The following CYTH1 variants were observed in gnomAD, a reference collection of about 807,000 sequenced individuals.
The protein encoded by CYTH1 is cytohesin 1, also known as cytohesin-1.
CYTH1 carries 18 observed loss-of-function variants against 61.8 expected under a neutral mutation model. The ratio of observed to expected loss-of-function variants is 0.29; its 90% CI spans 0.20 to 0.43. The LOEUF (loss-of-function observed/expected upper bound fraction) is 0.43. Among genes scored for constraint, CYTH1 ranks in the 20% least tolerant of loss-of-function variants. The pLI is 1.00. For synonymous variants in CYTH1, 174 were observed against 184.3 expected (o/e 0.94, Z 0.45); for missense variants, 336 against 510.5 (o/e 0.66, Z 3.29).
At chr17:78,770,105 G>A (rs368635125) in intron 1 of CYTH1, among the ~76,000 whole-genome samples, 2 of 150,666 alleles carry the variant, frequency 1.3e-5, no homozygotes, top group East Asian at 3.9e-4. Context: ...AGCCGAGATC[G>A]CACCACTGCA....
At position 78,717,336 on chromosome 17, in the gene CYTH1, G is replaced by A. The variant is rs552631870; in HGVS notation, c.23-7604C>T. 1.9e-4 allele frequency among the ~76,000 whole-genome samples: 29 copies of A among 152,158 alleles called. No individual in the cohort carries two copies. The highest frequency in any genetic ancestry group is 4.1e-4 in the Non-Finnish European group (28 of 68,036). Reference sequence around the variant, plus strand: ...ACAAAGGTTAATCTGCAAGGTGTCCGGCTGGCAGTCAGGGGGACGGTCCAG... The same window carrying A: ...ACAAAGGTTAATCTGCAAGGTGTCCAGCTGGCAGTCAGGGGGACGGTCCAG... On this transcript the variant is annotated intron_variant, in intron 1 of 13. Transcript: ENST00000446868. This position sits in a 1 kb window ranked among gnomAD's most constrained non-coding sequence, Gnocchi z 4.4.
At chr17:78,750,219 T>C (rs1490604591) in intron 1 of CYTH1, among the ~76,000 whole-genome samples, 6 of 152,122 alleles carry the variant, frequency 3.9e-5, no homozygotes, top group Non-Finnish European at 7.4e-5. Flanking sequence ...GAATAAACCA[T>C]ACTACTAATG....
chr17:78,735,576 G>C (rs1403886138), intron 1 of CYTH1, among the ~76,000 whole-genome samples: 1 of 152,196 alleles, frequency 6.6e-6, no homozygotes, highest in Non-Finnish European at 1.5e-5. Context: ...TTCCCTCCCA[G>C]CGTCCCCCAC....
chr17:78,771,729 TAA>T (rs752607880), intron 1 of CYTH1, among the ~76,000 whole-genome samples: 25 of 117,758 alleles, frequency 2.1e-4, no homozygotes, highest in Admixed American at 5.4e-4. Context: ...GATTCCATCT[TAA>T]AAAAAAAAAA....
At chr17:78,698,586 A>C (rs537217836) in intron 8 of CYTH1, among the ~76,000 whole-genome samples, 48 of 152,282 alleles carry the variant, frequency 3.2e-4, no homozygotes, top group African/African-American at 1.1e-3. Context: ...GAAAATAAAG[A>C]AGCAGCCTGA....
chr17:78,781,952 G>A (rs2093520222), intron 1 of CYTH1, among the ~76,000 whole-genome samples: 1 of 147,174 alleles, frequency 6.8e-6, no homozygotes, highest in Non-Finnish European at 1.5e-5. Flanking sequence ...TGTGACCCCC[G>A]CCCCAGCCAC....
chr17:78,717,135 G>C lies in CYTH1; in HGVS notation c.23-7403C>G, dbSNP rs2093187829. On this transcript the variant is annotated intron_variant, in intron 1 of 13. Coordinates refer to ENST00000446868, the MANE Select transcript of CYTH1 (RefSeq NM_004762.6). The surrounding 1 kb of genome is among the most constrained non-coding windows in gnomAD (Gnocchi z 4.4). ...ATGTGCCAGGGAGGCGGTGTGCCAG[G>C]GAGGCGGCTGAACCCCTTGCTCTTT... 1.3e-5 allele frequency: 2 copies of C among 152,510 alleles called. No homozygotes were observed. The highest frequency in any genetic ancestry group is 1.3e-4 in the Admixed American group (2 of 15,286). The allele number at this position is 152,510 out of a possible 1,614,324, so 9.4% of individuals were successfully genotyped here. A position where few individuals can be genotyped will look rare whatever the true frequency, so the allele number is the denominator to read the frequency against.
intron 10 of CYTH1, among the ~76,000 whole-genome samples, chr17:78,693,742 T>G (rs1304176800): frequency 6.6e-6 from 1 of 152,090 alleles, no homozygotes; most frequent in Admixed American, 6.5e-5. Context: ...CTACACCTGC[T>G]GTCAAATCGG....
chr17:78,702,163 T>G lies in CYTH1; in HGVS notation c.315A>C (p.Glu105Asp). 6.2e-7 allele frequency: 1 copy of G among 1,614,228 alleles called. No individual in the cohort carries two copies. The highest frequency in any genetic ancestry group is 8.5e-7 in the Non-Finnish European group (1 of 1,180,036). ...CGCCGATGGCTGTCTTGTTGAGCCC[T>G]TCGCCTTTATATAAGAACTGGGCAA... is the stretch of plus-strand genomic sequence containing the variant. ...EDIAQFLYKG[E>D]GLNKTAIGDY... The change falls in exon 5 of 14, where the codon GAA becomes GAC. Residue 105 changes from glutamate to aspartate, a missense_variant. Physicochemically the swap from Glu to Asp is conservative, Grantham distance 45. Coordinates refer to ENST00000446868, the MANE Select transcript of CYTH1 (RefSeq NM_004762.6).
chr17:78,680,537 TGCA>T (rs2092749632), intron 12 of CYTH1, among the ~76,000 whole-genome samples, 193 bp from the exon 13 acceptor site: 1 of 152,222 alleles, frequency 6.6e-6, no homozygotes, highest in Non-Finnish European at 1.5e-5. Flanking sequence ...CAGTCTCGTT[TGCA>T]AACACACCGG....
rs573715672 is a variant in CYTH1, at chr17:78,735,183, G to A, written c.23-25451C>T. Among the ~76,000 whole-genome samples, 13 of 152,206 alleles carry A rather than the reference G, an allele frequency of 8.5e-5. No homozygotes were observed. The East Asian group carries it at 1.9e-3, about 23-fold the overall frequency. On this transcript the variant is annotated intron_variant, in intron 1 of 13. Transcript: ENST00000446868. ...TCAGTAATTCTACCTCTAAGCTCCC[G>A]GCCCCTAACCTCATGCCCCACCCCC...
At chr17:78,694,098 G>A (rs147102178) in intron 10 of CYTH1, among the ~76,000 whole-genome samples, 17 of 152,308 alleles carry the variant, frequency 1.1e-4, no homozygotes, top group African/African-American at 4.1e-4. Flanking sequence ...CCTAAGGGGA[G>A]TATGCAAATA....
At chr17:78,727,178 G>A (rs904026568) in intron 1 of CYTH1, among the ~76,000 whole-genome samples, 5 of 152,216 alleles carry the variant, frequency 3.3e-5, no homozygotes, top group African/African-American at 1.2e-4. Flanking sequence ...CTCTGCCCAT[G>A]AGGCGTCCCC....
chr17:78,753,691 T>C (rs1050753465), intron 1 of CYTH1, among the ~76,000 whole-genome samples: 3 of 152,132 alleles, frequency 2.0e-5, no homozygotes, highest in Non-Finnish European at 4.4e-5. Context: ...ATGGACTAAA[T>C]AGGTGATTTG....
At chr17:78,715,520 A>C (rs2093173406) in intron 1 of CYTH1, among the ~76,000 whole-genome samples, 1 of 152,202 alleles carries the variant, frequency 6.6e-6, no homozygotes, top group Non-Finnish European at 1.5e-5. Flanking sequence ...GGGCTGCCAG[A>C]GGAATGCCAT....
intron 3 of CYTH1, among the ~76,000 whole-genome samples, chr17:78,704,145 G>A (rs899923223): frequency 1.3e-5 from 2 of 152,114 alleles, no homozygotes; most frequent in African/African-American, 4.8e-5. Flanking sequence ...ATACATACAC[G>A]TCACCTGGGG....
intron 1 of CYTH1, among the ~76,000 whole-genome samples, chr17:78,733,744 G>A (rs939827191): frequency 9.2e-5 from 14 of 152,264 alleles, no homozygotes; most frequent in African/African-American, 3.4e-4. Flanking sequence ...TTCCCCAGAT[G>A]GACAAGAACA....
rs1029921050 is a variant in CYTH1 at position 78,700,716 on chromosome 17, G to C, written c.438-273C>G. On this transcript the variant is annotated intron_variant, in intron 6 of 13. Coordinates refer to ENST00000446868, the MANE Select transcript of CYTH1 (RefSeq NM_004762.6). This position sits in a 1 kb window ranked among gnomAD's most constrained non-coding sequence, Gnocchi z 5.1. ...TTTTTTGTATTTTTAGTAGAGACGG[G>C]GTTTCACCATGCTGGCCAGGCTGGT... Among the ~76,000 whole-genome samples, 6 of 151,966 alleles carry C rather than the reference G, an allele frequency of 3.9e-5. No homozygotes were observed. The highest frequency in any genetic ancestry group is 1.5e-4 in the African/African-American group (6 of 41,348).
chr17:78,778,850 CAT>C (rs1475541684), intron 1 of CYTH1, among the ~76,000 whole-genome samples: 5 of 152,182 alleles, frequency 3.3e-5, no homozygotes, highest in Admixed American at 3.3e-4. Context: ...CTGAACACGT[CAT>C]GTTATATGCT....
Sources: gnomAD v4.1 joint callset for allele counts (sites outside exome capture counted in the v4.1 genomes callset) on GRCh38, gnomAD v4.1.1 for gene constraint, Gnocchi (gnomAD v3.1) non-coding constraint, MANE v1.5 for transcripts, NCBI Gene and HGNC (gene_info 2026-07-23, HGNC 2026-07-21) for gene names.